The following SEMA3E variants were observed in gnomAD, a reference collection of about 807,000 sequenced individuals.
The protein encoded by SEMA3E is semaphorin-3E.
SEMA3E carries 49 observed loss-of-function variants against 93.6 expected under a neutral mutation model. That is an observed-to-expected ratio of 0.52 (90% CI 0.42 to 0.66). The LOEUF (loss-of-function observed/expected upper bound fraction) is 0.66. Ranked by LOEUF, SEMA3E falls within the 30% of genes least tolerant of loss-of-function variation. The probability of loss-of-function intolerance (pLI) is 0.00; values close to 1 mark genes in which losing one functional copy is unlikely to be tolerated. For missense variants in SEMA3E, 906 were observed against 964.8 expected (o/e 0.94, Z 0.81); for synonymous variants, 363 against 330.7 (o/e 1.10, Z -1.06).
chr7:83,393,039 CAAAAAA>C (rs59283673), intron 13 of SEMA3E, among the ~76,000 whole-genome samples: 1 of 128,876 alleles, frequency 7.8e-6, no homozygotes, highest in African/African-American at 3.0e-5. Flanking sequence ...AACTCCATCT[CAAAAAA>C]AAAAAAAAAA....
chr7:83,403,382 T>A (rs1350754860), intron 9 of SEMA3E, among the ~76,000 whole-genome samples: 1 of 151,884 alleles, frequency 6.6e-6, no homozygotes, highest in Non-Finnish European at 1.5e-5. Context: ...ACTTTAACCA[T>A]ATAAAACTTA....
At chr7:83,459,284 C>G (rs1789560416) in intron 4 of SEMA3E, among the ~76,000 whole-genome samples, 1 of 151,970 alleles carries the variant, frequency 6.6e-6, no homozygotes, top group Admixed American at 6.6e-5. Context: ...GTTTGAGATA[C>G]TGAAAGGAGA....
intron 1 of SEMA3E, among the ~76,000 whole-genome samples, chr7:83,578,151 A>AG (rs796260460): frequency 6.6e-5 from 10 of 152,086 alleles, no homozygotes; most frequent in African/African-American, 2.2e-4. Flanking sequence ...TCTCATTAAA[A>AG]AAAAACAGGA....
chr7:83,553,907 A>G (rs918094135), intron 1 of SEMA3E, among the ~76,000 whole-genome samples: 1 of 152,154 alleles, frequency 6.6e-6, no homozygotes, highest in African/African-American at 2.4e-5. Context: ...GGCTAGTACT[A>G]TGAATCTATA....
intron 4 of SEMA3E, among the ~76,000 whole-genome samples, chr7:83,436,563 A>C (rs192112135): frequency 6.6e-6 from 1 of 151,994 alleles, no homozygotes; most frequent in South Asian, 2.1e-4. Flanking sequence ...TGAGAATCAG[A>C]GGAAGGAATG....
intron 4 of SEMA3E, among the ~76,000 whole-genome samples, chr7:83,458,171 T>C (rs1338738685): frequency 1.3e-5 from 2 of 151,662 alleles, no homozygotes; most frequent in Non-Finnish European, 1.5e-5. Context: ...AAGATTCTAA[T>C]ATGACTCAAA....
chr7:83,595,888 G>A (rs1413697048), intron 1 of SEMA3E, among the ~76,000 whole-genome samples: 5 of 151,918 alleles, frequency 3.3e-5, no homozygotes, highest in South Asian at 2.1e-4. Flanking sequence ...ATATATTTTA[G>A]GGAGAAATAA....
chr7:83,539,185 CCTAGTA>C (rs1791467195), intron 1 of SEMA3E, among the ~76,000 whole-genome samples: 1 of 152,118 alleles, frequency 6.6e-6, no homozygotes, highest in Non-Finnish European at 1.5e-5. Context: ...TTAGATAAAG[CCTAGTA>C]CCAGGCTCTG....
intron 16 of SEMA3E, among the ~76,000 whole-genome samples, chr7:83,379,264 A>G (rs1787727391): frequency 1.3e-5 from 2 of 151,474 alleles, no homozygotes; most frequent in Non-Finnish European, 3.0e-5. Flanking sequence ...TGAGAGGTAG[A>G]TGAGGATCGA....
chr7:83,440,014 G>A (rs747305877), intron 4 of SEMA3E, among the ~76,000 whole-genome samples: 18 of 152,308 alleles, frequency 1.2e-4, no homozygotes, highest in Middle Eastern at 6.8e-3. Flanking sequence ...TGTGCACAGC[G>A]TATGTTAATT....
At chr7:83,474,493 AAC>A (rs1335902546) in intron 2 of SEMA3E, among the ~76,000 whole-genome samples, 2 of 152,234 alleles carry the variant, frequency 1.3e-5, no homozygotes, top group Non-Finnish European at 2.9e-5. Context: ...TTTAAAGGAA[AAC>A]ACAGTTTTGG....
chr7:83,364,181 A>G lies in SEMA3E; in HGVS notation c.*3405T>C, dbSNP rs1031809259. 7 of 152,058 alleles carry G rather than the reference A, an allele frequency of 4.6e-5. No homozygotes were observed. The highest frequency in any genetic ancestry group is 1.7e-4 in the African/African-American group (7 of 41,388). The allele number at this position is 152,058 out of a possible 1,614,324, so 9.4% of individuals were successfully genotyped here. ...AGTGCTGGGATTACAGGCGTGAGCCACCGCGCCCGGCCAGGTCAATTCATT... is the reference window on the plus strand; with the variant it reads ...AGTGCTGGGATTACAGGCGTGAGCCGCCGCGCCCGGCCAGGTCAATTCATT... On this transcript the variant is annotated 3_prime_UTR_variant, in exon 17 of 17. Transcript: ENST00000643230.
intron 2 of SEMA3E, among the ~76,000 whole-genome samples, chr7:83,472,810 G>A (rs1789929076): frequency 6.6e-6 from 1 of 152,284 alleles, no homozygotes; most frequent in South Asian, 2.1e-4. Context: ...GGAGGTAATT[G>A]AATCATGGAG....
chr7:83,587,643 T>C (rs1043808106), intron 1 of SEMA3E, among the ~76,000 whole-genome samples: 6 of 152,044 alleles, frequency 3.9e-5, no homozygotes, highest in African/African-American at 9.7e-5. Context: ...CATTTGTATA[T>C]ATATAAAAAG....
chr7:83,363,543 T>C lies in SEMA3E; in HGVS notation c.*4043A>G, dbSNP rs896041291. The C allele has an allele frequency of 6.6e-6, 1 of 152,010 alleles. No individual in the cohort carries two copies. Among genetic ancestry groups the C allele is most frequent in the Non-Finnish European group, 1.5e-5 (1 of 68,034 alleles). The allele number at this position is 152,010 out of a possible 1,614,324, so 9.4% of individuals were successfully genotyped here. A position where few individuals can be genotyped will look rare whatever the true frequency, so the allele number is the denominator to read the frequency against. The stretch of plus-strand genomic sequence containing the variant: ...CCATTTAAACACAAGCAGAACACAA[T>C]TTATAATGAAAGCCAAAATATAAAG... On this transcript the variant is annotated 3_prime_UTR_variant, in exon 17 of 17. Coordinates refer to ENST00000643230, the MANE Select transcript of SEMA3E (RefSeq NM_012431.3).
At chr7:83,392,268 A>G (rs1341799302) in intron 14 of SEMA3E, among the ~76,000 whole-genome samples, 1 of 151,930 alleles carries the variant, frequency 6.6e-6, no homozygotes, top group African/African-American at 2.4e-5. Context: ...TTCTTTATTG[A>G]TTTTCCTTTT....
chr7:83,508,201 T>C (rs1037987893), intron 1 of SEMA3E, among the ~76,000 whole-genome samples: 9 of 152,218 alleles, frequency 5.9e-5, no homozygotes, highest in Non-Finnish European at 1.2e-4. Context: ...CTTTTTAGTG[T>C]GAACATTCCT....
At chr7:83,507,562 A>C (rs1262228120) in intron 1 of SEMA3E, among the ~76,000 whole-genome samples, 1 of 151,864 alleles carries the variant, frequency 6.6e-6, no homozygotes, top group Admixed American at 6.6e-5. Flanking sequence ...AGCAGCAAGC[A>C]GGGGCAAGCA....
chr7:83,446,518 T>C (rs944854961), intron 4 of SEMA3E, among the ~76,000 whole-genome samples: 9 of 152,252 alleles, frequency 5.9e-5, no homozygotes, highest in Admixed American at 2.6e-4. Context: ...TCTGGGGGCA[T>C]TGAAAGACTG....
Sources: gnomAD v4.1 joint callset for allele counts (sites outside exome capture counted in the v4.1 genomes callset) on GRCh38, gnomAD v4.1.1 for gene constraint, MANE v1.5 for transcripts, NCBI Gene and HGNC (gene_info 2026-07-23, HGNC 2026-07-21) for gene names.